Variants in SAMMSON observed in about 807,000 individuals in gnomAD.
The protein encoded by SAMMSON is survival associated mitochondrial melanoma specific oncogenic non-coding RNA, also known as long intergenic non-protein coding RNA 1212.
chr3:70,172,176 A>G (rs1267384533), intron 4 of SAMMSON: 1 of 151,746 alleles, frequency 6.6e-6, no homozygotes, highest in Non-Finnish European at 1.5e-5. Flanking sequence ...CCTTTATTCA[A>G]TTGGTAACCA....
chr3:70,118,112 G>A (rs2067418940), intron 4 of SAMMSON, among the ~76,000 whole-genome samples: 1 of 151,908 alleles, frequency 6.6e-6, no homozygotes, highest in East Asian at 2.0e-4. Context: ...TAGTAGAGAC[G>A]GGGTTTTTAC....
At chr3:70,067,808 G>A (rs2067215635) in intron 3 of SAMMSON, among the ~76,000 whole-genome samples, 1 of 152,050 alleles carries the variant, frequency 6.6e-6, no homozygotes, top group Non-Finnish European at 1.5e-5. Context: ...AATGTGGGGT[G>A]AATAACTCAT....
chr3:70,331,142 A>C (rs2106722436), intron 7 of SAMMSON, among the ~76,000 whole-genome samples: 1 of 152,338 alleles, frequency 6.6e-6, no homozygotes, highest in South Asian at 2.1e-4. Context: ...AGATTATTTA[A>C]GTGTGCCCAC....
At chr3:70,117,075 G>A (rs7647829) in intron 4 of SAMMSON, among the ~76,000 whole-genome samples, 8,178 of 152,168 alleles carry the variant, frequency 0.054, 384 homozygotes, top group East Asian at 0.19. Context: ...CTAATATGAT[G>A]AACTGAATGT....
chr3:70,290,345 G>A (rs565579814), intron 6 of SAMMSON, among the ~76,000 whole-genome samples: 3 of 152,264 alleles, frequency 2.0e-5, no homozygotes, highest in Admixed American at 1.3e-4. Context: ...TGCCCCTGTT[G>A]GGGGGTGCCT....
At chr3:70,325,250 A>C (rs1224732734) in intron 7 of SAMMSON, among the ~76,000 whole-genome samples, 5 of 152,152 alleles carry the variant, frequency 3.3e-5, no homozygotes, top group Admixed American at 3.3e-4. Flanking sequence ...CCATTCTGTT[A>C]TGCAGGAAAC....
chr3:70,173,755 CTATT>C (rs1277214669), intron 4 of SAMMSON, among the ~76,000 whole-genome samples: 4 of 151,872 alleles, frequency 2.6e-5, no homozygotes, highest in Non-Finnish European at 5.9e-5. Flanking sequence ...AATCATATCT[CTATT>C]TAGTTTTTTT....
chr3:70,017,848 G>GTTT, intron 3 of SAMMSON, among the ~76,000 whole-genome samples: 1 of 152,210 alleles, frequency 6.6e-6, no homozygotes, highest in East Asian at 1.9e-4. Flanking sequence ...TAATCATGTG[G>GTTT]TTTTTGTCTT....
intron 3 of SAMMSON, among the ~76,000 whole-genome samples, chr3:70,017,815 G>A (rs1369011536): frequency 6.6e-6 from 1 of 152,088 alleles, no homozygotes; most frequent in Non-Finnish European, 1.5e-5. Context: ...TTTTGTGAAA[G>A]GCCTTTTCTT....
chr3:70,019,603 G>A (rs1167389363), intron 3 of SAMMSON, among the ~76,000 whole-genome samples: 1 of 152,138 alleles, frequency 6.6e-6, no homozygotes, highest in East Asian at 1.9e-4. Flanking sequence ...ATATTGTTAT[G>A]TGTGAATTTG....
chr3:70,056,111 T>C (rs1001784950), intron 3 of SAMMSON, among the ~76,000 whole-genome samples: 69 of 152,190 alleles, frequency 4.5e-4, no homozygotes, highest in African/African-American at 1.5e-3. Context: ...CACCTTTCTT[T>C]CTTTCCCATT....
chr3:70,005,923 AC>A (rs2066924777), intron 1 of SAMMSON, among the ~76,000 whole-genome samples: 1 of 152,168 alleles, frequency 6.6e-6, no homozygotes, highest in Admixed American at 6.5e-5. Flanking sequence ...TATGTAGGCC[AC>A]CCCTATAGAA....
chr3:70,091,826 T>C (rs1455765373), intron 4 of SAMMSON, among the ~76,000 whole-genome samples: 15 of 152,136 alleles, frequency 9.9e-5, no homozygotes, highest in Admixed American at 9.2e-4. Flanking sequence ...CACTCAAAGA[T>C]CTCTAATGAT....
At chr3:70,196,992 T>C in intron 4 of SAMMSON, 2 of 398,546 alleles carry the variant, frequency 5.0e-6, no homozygotes, top group East Asian at 3.6e-5. Flanking sequence ...CATGGCAAGA[T>C]TCAAAAAGGC....
intron 4 of SAMMSON, among the ~76,000 whole-genome samples, chr3:70,149,471 T>C (rs2067562805): frequency 6.6e-6 from 1 of 152,070 alleles, no homozygotes; most frequent in Non-Finnish European, 1.5e-5. Flanking sequence ...TCATTAAAGA[T>C]GCAAATTATC....
chr3:70,288,917 T>C (rs1702196943), intron 6 of SAMMSON, among the ~76,000 whole-genome samples: 1 of 151,884 alleles, frequency 6.6e-6, no homozygotes. Context: ...GCTTGGTAGA[T>C]CTTCCTCCAT....
At chr3:70,286,226 A>G (rs1471570371) in intron 6 of SAMMSON, among the ~76,000 whole-genome samples, 1 of 152,116 alleles carries the variant, frequency 6.6e-6, no homozygotes, top group Non-Finnish European at 1.5e-5. Context: ...ATCTTGAATT[A>G]ATTTTTGTAT....
intron 3 of SAMMSON, among the ~76,000 whole-genome samples, chr3:70,025,836 A>G (rs1361121295): frequency 6.6e-6 from 1 of 152,222 alleles, no homozygotes; most frequent in Admixed American, 6.5e-5. Context: ...AGAGAAAAGA[A>G]AATGTTATTA....
intron 4 of SAMMSON, among the ~76,000 whole-genome samples, chr3:70,158,370 A>G (rs1247925914): frequency 1.3e-5 from 2 of 152,132 alleles, no homozygotes; most frequent in African/African-American, 4.8e-5. Flanking sequence ...TCAGTGCTCT[A>G]ACATGTGTCT....
Sources: allele counts gnomAD v4.1 joint callset (sites outside exome capture counted in the v4.1 genomes callset), GRCh38; gene constraint gnomAD v4.1.1; transcripts MANE v1.5; gene names NCBI Gene and HGNC (gene_info 2026-07-23, HGNC 2026-07-21).